The following CNDP1 variants were observed in gnomAD, a reference collection of about 807,000 sequenced individuals.
The protein encoded by CNDP1 is carnosine dipeptidase 1, also known as beta-Ala-His dipeptidase.
In CNDP1, 44 loss-of-function variants were observed where a neutral mutation model predicts 58.1. That is an observed-to-expected ratio of 0.76 (90% confidence interval 0.60 to 0.97). CNDP1 has a LOEUF of 0.97. Ranked by LOEUF, CNDP1 falls within the 50% of genes least tolerant of loss-of-function variation. The pLI is 0.00. For synonymous variants in CNDP1, 254 were observed against 252.6 expected (o/e 1.01, Z -0.05); for missense variants, 616 against 655.1 (o/e 0.94, Z 0.65).
chr18:74,580,142 C>G lies in CNDP1; in HGVS notation c.1180C>G (p.Leu394Val). ...SAVEKQVTRH[L>V]EDVFSKRNSS... ...TGTCACCTTTTAGGTGACACGACAT[C>G]TTGAAGATGTGTTCTCCAAAAGAAA... is the stretch of plus-strand genomic sequence containing the variant. Residue 394 changes from leucine (L) to valine (V), a missense_variant, in exon 10 of 12, where the codon CTT becomes GTT. Physicochemically the swap from Leu to Val is conservative, Grantham distance 32. Transcript: ENST00000358821. The G allele has an allele frequency of 6.2e-7, 1 of 1,613,342 alleles. No homozygotes were observed.
chr18:74,550,737 C>G (rs375791522), intron 1 of CNDP1, among the ~76,000 whole-genome samples: 1 of 128,268 alleles, frequency 7.8e-6, no homozygotes, highest in Non-Finnish European at 1.7e-5. Context: ...CCACCACGCC[C>G]GACTATTTTT....
chr18:74,583,139 T>C (rs1460930433), intron 10 of CNDP1, among the ~76,000 whole-genome samples: 2 of 152,190 alleles, frequency 1.3e-5, no homozygotes, highest in African/African-American at 4.8e-5. Context: ...CCTGAGTAGC[T>C]GGGATTACAG....
chr18:74,584,525 T>G lies in CNDP1; in HGVS notation c.1487T>G (p.Phe496Cys), dbSNP rs545821136. The G allele has an allele frequency of 2.6e-5, 42 of 1,613,962 alleles. No homozygotes were observed. In the South Asian group the frequency reaches 4.4e-4, roughly 17 times the overall value. ...RWNYIEGTKL[F>C]AAFFLEMAQL... ...AACTACATAGAGGGAACCAAATTAT[T>G]TGCTGCCTTTTTCTTAGAGATGGCC... Residue 496 changes from phenylalanine to cysteine, a missense_variant, in exon 12 of 12, where the codon TTT becomes TGT. Transcript: ENST00000358821.
At chr18:74,563,450 A>G (rs2144659103) in intron 5 of CNDP1, among the ~76,000 whole-genome samples, 1 of 152,200 alleles carries the variant, frequency 6.6e-6, no homozygotes, top group Non-Finnish European at 1.5e-5. Context: ...AAAGGCCAAA[A>G]TCTGTTTTGC....
chr18:74,551,361 A>AACACACACACACACACAC (rs74178982), intron 1 of CNDP1, among the ~76,000 whole-genome samples: 53 of 148,074 alleles, frequency 3.6e-4, no homozygotes, highest in African/African-American at 1.2e-3. Context: ...GCACAACTGT[A>AACACACACACACACACAC]ACACACACAC....
chr18:74,584,604 C>T lies in CNDP1; in HGVS notation c.*42C>T. ...GTCTGATCTGATCCACTGACAGATT[C>T]ACCTCCCCCACATCCCTAGACAGGG... On this transcript the variant is annotated 3_prime_UTR_variant, in exon 12 of 12. Coordinates refer to ENST00000358821, the MANE Select transcript of CNDP1 (RefSeq NM_032649.6). 1 of 1,421,102 alleles carries T rather than the reference C, an allele frequency of 7.0e-7. No homozygotes were observed. Among genetic ancestry groups the T allele is most frequent in the Non-Finnish European group, 1.0e-6 (1 of 1,003,982 alleles). 88.0% of individuals were successfully genotyped at this position (1,421,102 alleles called of 1,614,324 possible). A position where few individuals can be genotyped will look rare whatever the true frequency, so the allele number is the denominator to read the frequency against.
At chr18:74,559,036 CT>C (rs1981116533) in intron 2 of CNDP1, among the ~76,000 whole-genome samples, 1 of 152,128 alleles carries the variant, frequency 6.6e-6, no homozygotes, top group South Asian at 2.1e-4. Context: ...CTGTACAGCC[CT>C]GGTGAACGCA....
chr18:74,534,572 T>G lies in CNDP1; in HGVS notation c.-96T>G. 1 of 1,293,098 alleles carries G rather than the reference T, an allele frequency of 7.7e-7. No individual in the cohort carries two copies. The highest frequency in any genetic ancestry group is 2.3e-5 in the East Asian group (1 of 43,168). 80.1% of individuals were successfully genotyped at this position (1,293,098 alleles called of 1,614,324 possible). ...CAACGTGGGTCAGGGCACAGAGAGA[T>G]ATTTAATGTCACCCTCTTGGGGCTT... On this transcript the variant is annotated 5_prime_UTR_variant, in exon 1 of 12. Coordinates refer to ENST00000358821, the MANE Select transcript of CNDP1 (RefSeq NM_032649.6).
chr18:74,566,498 C>T (rs902874340), intron 5 of CNDP1, among the ~76,000 whole-genome samples: 1 of 152,184 alleles, frequency 6.6e-6, no homozygotes, highest in South Asian at 2.1e-4. Flanking sequence ...TTACCAGATA[C>T]CCTAAATCAT....
At chr18:74,568,808 G>A (rs201423202) in intron 6 of CNDP1, among the ~76,000 whole-genome samples, 2 of 152,080 alleles carry the variant, frequency 1.3e-5, no homozygotes, top group East Asian at 3.9e-4. Flanking sequence ...GCCAGGCAGT[G>A]GTAAGGTCTG....
At chr18:74,563,404 T>TC (rs1981251886) in intron 5 of CNDP1, among the ~76,000 whole-genome samples, 1 of 152,194 alleles carries the variant, frequency 6.6e-6, no homozygotes, top group Non-Finnish European at 1.5e-5. Context: ...TCTCTCCTTC[T>TC]AAGGGATAGC....
At chr18:74,566,701 C>T (rs934805362) in intron 5 of CNDP1, among the ~76,000 whole-genome samples, 1 of 152,244 alleles carries the variant, frequency 6.6e-6, no homozygotes, top group Non-Finnish European at 1.5e-5. Context: ...TTCAATAAGT[C>T]TCTAGGAAGT....
intron 6 of CNDP1, 43 bp from the exon 7 acceptor site, chr18:74,571,143 C>G (rs767505994): frequency 7.4e-6 from 10 of 1,347,670 alleles, no homozygotes; most frequent in Non-Finnish European, 7.5e-6. Context: ...ACTAAAGGAA[C>G]CAAGGCAGGA....
At chr18:74,571,743 G>C (rs1036461303) in intron 7 of CNDP1, among the ~76,000 whole-genome samples, 3 of 152,182 alleles carry the variant, frequency 2.0e-5, no homozygotes, top group African/African-American at 7.2e-5. Flanking sequence ...CACCAGGTGA[G>C]GCCCTTCACC....
chr18:74,583,952 A>AGGTGGTTCT (rs1981851658), intron 11 of CNDP1: 1 of 486,964 alleles, frequency 2.1e-6, no homozygotes, highest in Non-Finnish European at 3.7e-6. Context: ...TGGTGGGGTT[A>AGGTGGTTCT]GGTGGTTCTG....
In CNDP1 at chr18:74,586,860, G is replaced by A. The variant is rs988954109; in HGVS notation, c.*2298G>A. On this transcript the variant is annotated 3_prime_UTR_variant, in exon 12 of 12. Coordinates refer to ENST00000358821, the MANE Select transcript of CNDP1 (RefSeq NM_032649.6). ...CAAAGGGATAAAAGAAAGCTACTCA[G>A]TTGTTATTCAGATATATTAACCAGC... 6.6e-6 allele frequency: 1 copy of A among 152,212 alleles called. No individual in the cohort carries two copies. The highest frequency in any genetic ancestry group is 1.5e-5 in the Non-Finnish European group (1 of 68,052). The allele number at this position is 152,212 out of a possible 1,614,324, so 9.4% of individuals were successfully genotyped here.
At chr18:74,576,677 T>G (rs4892246) in intron 7 of CNDP1, 192 bp from the exon 8 acceptor site, 297,302 of 479,042 alleles carry the variant, frequency 0.62, 94,728 homozygotes, top group African/African-American at 0.83. Context: ...AGCTGCGTGA[T>G]CCTGGTGACC....
At chr18:74,579,227 TC>T in intron 9 of CNDP1, among the ~76,000 whole-genome samples, 1 of 105,994 alleles carries the variant, frequency 9.4e-6, no homozygotes, top group East Asian at 3.0e-4. Context: ...TCCCTTCCCT[TC>T]CCTCACCTCC....
chr18:74,555,364 C>G (rs977154859), intron 1 of CNDP1, among the ~76,000 whole-genome samples: 1 of 152,100 alleles, frequency 6.6e-6, no homozygotes, highest in African/African-American at 2.4e-5. Context: ...GCCCCCTTGG[C>G]CCTTCCCAGC....
Sources: gnomAD v4.1 joint callset for allele counts (sites outside exome capture counted in the v4.1 genomes callset) on GRCh38, gnomAD v4.1.1 for gene constraint, MANE v1.5 for transcripts, NCBI Gene and HGNC (gene_info 2026-07-23, HGNC 2026-07-21) for gene names.